Variants in PRSS23 observed in about 807,000 individuals in gnomAD.
PRSS23 encodes the protein serine protease 23, also known as protease, serine 23.
Under a neutral mutation model 34.7 loss-of-function variants are expected in PRSS23, and 25 were observed. The observed-to-expected ratio is 0.72, with a 90% CI of 0.53 to 1.01. The LOEUF is 1.01. Among genes scored for constraint, PRSS23 ranks in the 50% least tolerant of loss-of-function variants. PRSS23 has a pLI of 0.00. For missense variants in PRSS23, 445 were observed against 475.6 expected (o/e 0.94, Z 0.60); for synonymous variants, 176 against 186.6 (o/e 0.94, Z 0.46).
intron 2 of PRSS23, among the ~76,000 whole-genome samples, chr11:86,900,917 T>C (rs1948907775): frequency 2.0e-5 from 3 of 150,986 alleles, no homozygotes; most frequent in Non-Finnish European, 2.9e-5. Context: ...CCCAAGTAGC[T>C]AGGACTACAG....
At chr11:86,882,042 A>G (rs1948775718) in intron 2 of PRSS23, among the ~76,000 whole-genome samples, 1 of 152,162 alleles carries the variant, frequency 6.6e-6, no homozygotes, top group African/African-American at 2.4e-5. Flanking sequence ...GATCATTTCA[A>G]AGAACCAAGT....
chr11:86,796,640 C>CAAAAAAAA (rs10543755), upstream of PRSS23, among the ~76,000 whole-genome samples: 1 of 80,324 alleles, frequency 1.2e-5, no homozygotes, highest in African/African-American at 4.8e-5. Flanking sequence ...GACTCCGTCT[C>CAAAAAAAA]AAAAAAAAAA....
rs61159986 is a variant in PRSS23 at position 86,810,921 on chromosome 11, A to G, written c.*2126A>G. The G allele has an allele frequency of 6.6e-3, 1,097 of 167,150 alleles. 9 individuals carry two copies. The highest frequency in any genetic ancestry group is 0.024 in the African/African-American group (1,013 of 41,586). The allele number at this position is 167,150 out of a possible 1,614,324, so 10.4% of individuals were successfully genotyped here. On this transcript the variant is annotated 3_prime_UTR_variant, in exon 2 of 2. Transcript: ENST00000280258. ...ATAGAAGTAGACAGAAAAAGAAAAA[A>G]GGACTCATGGCATTATTAATATAAT... is the stretch of plus-strand genomic sequence containing the variant.
chr11:86,884,177 A>C (rs1403522304), intron 2 of PRSS23, among the ~76,000 whole-genome samples: 1 of 151,974 alleles, frequency 6.6e-6, no homozygotes, highest in Admixed American at 6.6e-5. Context: ...ACTACTCTAT[A>C]CTGGCTACTC....
chr11:86,834,664 A>C (rs762900158), intron 2 of PRSS23, among the ~76,000 whole-genome samples: 7 of 150,246 alleles, frequency 4.7e-5, no homozygotes, highest in Non-Finnish European at 1.0e-4. Context: ...CTGTACAGCC[A>C]ATAATAATTT....
At chr11:86,793,881 T>C (rs1462300143) in intron 1 of PRSS23, among the ~76,000 whole-genome samples, 2 of 152,182 alleles carry the variant, frequency 1.3e-5, no homozygotes, top group Non-Finnish European at 2.9e-5. Context: ...AGTTTCAACA[T>C]GTAAATATAT....
chr11:86,850,397 G>T (rs1948520046), intron 2 of PRSS23, among the ~76,000 whole-genome samples: 2 of 152,046 alleles, frequency 1.3e-5, no homozygotes, highest in Admixed American at 6.5e-5. Context: ...AGCAGTTGGG[G>T]TGTCCTATTT....
intron 2 of PRSS23, among the ~76,000 whole-genome samples, chr11:86,879,192 G>A (rs1391795712): frequency 2.0e-5 from 3 of 148,422 alleles, no homozygotes; most frequent in Non-Finnish European, 4.5e-5. Context: ...GTCTCTGCCC[G>A]GCGGCCCATC....
intron 2 of PRSS23, among the ~76,000 whole-genome samples, chr11:86,849,216 G>A (rs1473691372): frequency 6.6e-6 from 1 of 152,198 alleles, no homozygotes; most frequent in East Asian, 1.9e-4. Context: ...TGTCCTCAAA[G>A]TCCATTACTA....
chr11:86,856,650 A>G (rs1229317836), intron 2 of PRSS23, among the ~76,000 whole-genome samples: 1 of 152,250 alleles, frequency 6.6e-6, no homozygotes, highest in Non-Finnish European at 1.5e-5. Flanking sequence ...ATTCCTCATC[A>G]ACACTATAAC....
At chr11:86,891,442 T>C (rs2134972925) in intron 2 of PRSS23, among the ~76,000 whole-genome samples, 1 of 152,250 alleles carries the variant, frequency 6.6e-6, no homozygotes, top group South Asian at 2.1e-4. Context: ...TGTGTAATTA[T>C]CCAACTCCTG....
chr11:86,888,715 AG>A (rs931388328), intron 2 of PRSS23, among the ~76,000 whole-genome samples: 3 of 152,234 alleles, frequency 2.0e-5, no homozygotes, highest in Non-Finnish European at 4.4e-5. Context: ...TCCTAGTAGC[AG>A]GCATTTGTGT....
chr11:86,864,677 T>C (rs1309575400), intron 2 of PRSS23, among the ~76,000 whole-genome samples: 1 of 152,272 alleles, frequency 6.6e-6, no homozygotes. Context: ...ACTGATTTAT[T>C]ATCTTACAGA....
chr11:86,816,297 A>G (rs1948214867), intron 1 of PRSS23, among the ~76,000 whole-genome samples: 2 of 152,166 alleles, frequency 1.3e-5, no homozygotes, highest in Admixed American at 1.3e-4. Context: ...GGCTGCAGAG[A>G]TGACTGAGAT....
At chr11:86,799,669 A>C (rs1948006533), upstream of PRSS23, among the ~76,000 whole-genome samples, 1 of 152,100 alleles carries the variant, frequency 6.6e-6, no homozygotes, top group South Asian at 2.1e-4. Flanking sequence ...CCTGGTTAGG[A>C]GAGGACTCCC....
intron 1 of PRSS23, among the ~76,000 whole-genome samples, chr11:86,816,513 C>T (rs886144041): frequency 2.0e-5 from 3 of 152,202 alleles, no homozygotes; most frequent in Admixed American, 2.0e-4. Flanking sequence ...AGTTACCGTC[C>T]TGCCTGATTA....
intron 1 of PRSS23, chr11:86,821,558 C>T: frequency 6.2e-7 from 1 of 1,610,994 alleles, no homozygotes; most frequent in South Asian, 1.1e-5. Flanking sequence ...ATGGCATTCA[C>T]TCTGAAGTTT....
upstream of PRSS23, chr11:86,800,136 C>G (rs557544742): frequency 3.9e-5 from 6 of 152,458 alleles, no homozygotes; most frequent in African/African-American, 1.2e-4. Context: ...GGGACCTGGT[C>G]TTTTTGCGAG....
At chr11:86,822,857 A>C (rs1174837909) in intron 1 of PRSS23, among the ~76,000 whole-genome samples, 1 of 152,192 alleles carries the variant, frequency 6.6e-6, no homozygotes, top group Non-Finnish European at 1.5e-5. Context: ...GAGGGAATAC[A>C]AAATCGGTGT....
Sources: gnomAD v4.1 joint callset for allele counts (sites outside exome capture counted in the v4.1 genomes callset) on GRCh38, gnomAD v4.1.1 for gene constraint, MANE v1.5 for transcripts, NCBI Gene and HGNC (gene_info 2026-07-23, HGNC 2026-07-21) for gene names.